PEX14: variants seen among roughly 807,000 people sequenced by gnomAD.
PEX14 encodes the protein peroxisomal biogenesis factor 14.
In PEX14, 15 loss-of-function variants were observed where a neutral mutation model predicts 49.5. The ratio of observed to expected loss-of-function variants is 0.30; its 90% CI spans 0.20 to 0.47. The LOEUF is 0.47. PEX14 is among the 20% of genes least tolerant of loss of function. The pLI, the probability that PEX14 is intolerant of heterozygous loss-of-function variation, is 1.00. For missense variants in PEX14, 398 were observed against 494.8 expected (o/e 0.80, Z 1.86); for synonymous variants, 210 against 212.7 (o/e 0.99, Z 0.11).
At chr1:10,478,889 G>A (rs1641237901) in intron 1 of PEX14, among the ~76,000 whole-genome samples, 1 of 151,796 alleles carries the variant, frequency 6.6e-6, no homozygotes, top group Non-Finnish European at 1.5e-5. Flanking sequence ...GGGACTACAG[G>A]CACCTGCCAC....
At chr1:10,569,715 G>T (rs76431309) in intron 3 of PEX14, among the ~76,000 whole-genome samples, 5,430 of 152,236 alleles carry the variant, frequency 0.036, 124 homozygotes, top group Non-Finnish European at 0.055. Context: ...CTTTAGGTTG[G>T]CTGGGTTTAG....
At chr1:10,569,112 T>C (rs1639898394) in intron 3 of PEX14, among the ~76,000 whole-genome samples, 1 of 152,206 alleles carries the variant, frequency 6.6e-6, no homozygotes, top group African/African-American at 2.4e-5. Flanking sequence ...ACAGTGCTAA[T>C]ATTATAAATA....
At chr1:10,598,406 C>T (rs1268779041) in intron 3 of PEX14, among the ~76,000 whole-genome samples, 1 of 152,186 alleles carries the variant, frequency 6.6e-6, no homozygotes, top group East Asian at 1.9e-4. Context: ...GGAAATATCC[C>T]AGCTGTGTCC....
intron 1 of PEX14, among the ~76,000 whole-genome samples, chr1:10,493,110 A>G (rs537772883): frequency 3.9e-5 from 6 of 152,302 alleles, no homozygotes; most frequent in East Asian, 3.9e-4. Flanking sequence ...GAAGTGGGCA[A>G]TGTGGTGCCG....
Position 10,599,094 on chromosome 1 carries a change from C to T in PEX14, c.170-144C>T, listed in dbSNP as rs1640907564. 6.3e-6 allele frequency: 5 copies of T among 792,080 alleles called. No homozygotes were observed. In the South Asian group the frequency reaches 7.1e-5, roughly 11 times the overall value. 49.1% of individuals were successfully genotyped at this position (792,080 alleles called of 1,614,324 possible). On this transcript the variant is annotated intron_variant, in intron 3 of 8. Coordinates refer to ENST00000356607, the MANE Select transcript of PEX14 (RefSeq NM_004565.3). ...GGTTAAATTGCAACTGAGAGAGGTT[C>T]CGGAGAATCTGAAATCGGGGAGGCA... is the stretch of plus-strand genomic sequence containing the variant.
Position 10,622,207 on chromosome 1 carries a change from C to T in PEX14, c.385-812C>T, listed in dbSNP as rs924137602. Among the ~76,000 whole-genome samples, 7 of 152,330 alleles carry T rather than the reference C, an allele frequency of 4.6e-5. No homozygotes were observed. The East Asian group carries it at 7.7e-4, about 17-fold the overall frequency. On this transcript the variant is annotated intron_variant, in intron 5 of 8. Transcript: ENST00000356607. Reference sequence around the variant, plus strand: ...CTGCCCCCTTCCTGAACGGCTCCTTCGGGCATCCCTGGTTCTAGGCCCCTG... The same window carrying T: ...CTGCCCCCTTCCTGAACGGCTCCTTTGGGCATCCCTGGTTCTAGGCCCCTG...
chr1:10,611,595 T>C lies in PEX14; in HGVS notation c.299-6737T>C, dbSNP rs147281001. ...TCCCAAAATGGTTGTAGCGTTTGTG[T>C]TCCCATCAGCAATATGTAAGAGTTT... On this transcript the variant is annotated intron_variant, in intron 4 of 8. Coordinates refer to ENST00000356607, the MANE Select transcript of PEX14 (RefSeq NM_004565.3). 2.9e-3 allele frequency among the ~76,000 whole-genome samples: 449 copies of C among 152,374 alleles called. 1 individual carries two copies. The highest frequency in any genetic ancestry group is 0.01 in the Middle Eastern group (3 of 294).
At chr1:10,509,148 C>G (rs1170949586) in intron 2 of PEX14, among the ~76,000 whole-genome samples, 1 of 152,054 alleles carries the variant, frequency 6.6e-6, no homozygotes, top group Non-Finnish European at 1.5e-5. Flanking sequence ...TGGGGTTTCA[C>G]CATGTCAGCC....
intron 3 of PEX14, among the ~76,000 whole-genome samples, chr1:10,590,806 A>T (rs1481441391): frequency 6.6e-6 from 1 of 152,250 alleles, no homozygotes; most frequent in Non-Finnish European, 1.5e-5. Context: ...TATCAGATTA[A>T]TGTGAGGACT....
intron 3 of PEX14, among the ~76,000 whole-genome samples, chr1:10,595,862 A>AG (rs5772423): frequency 0.91 from 138,607 of 152,090 alleles, 63,357 homozygotes; most frequent in Middle Eastern, 0.95. Flanking sequence ...CAACGCAAAG[A>AG]AGATGCCTTT....
At chr1:10,617,935 G>A (rs770426292) in intron 4 of PEX14, among the ~76,000 whole-genome samples, 10 of 152,086 alleles carry the variant, frequency 6.6e-5, no homozygotes, top group Non-Finnish European at 1.5e-4. Context: ...GCTATAGTAG[G>A]GCATATATGG....
intron 1 of PEX14, among the ~76,000 whole-genome samples, chr1:10,487,535 A>G (rs1306673241): frequency 8.5e-6 from 1 of 117,066 alleles, no homozygotes; most frequent in Non-Finnish European, 1.6e-5. Context: ...GCCAGGCTGG[A>G]GTGCAGTGGC....
chr1:10,627,652 G>A (rs1049251139), intron 8 of PEX14, among the ~76,000 whole-genome samples: 1 of 152,258 alleles, frequency 6.6e-6, no homozygotes, highest in Non-Finnish European at 1.5e-5. Flanking sequence ...GGCCCTTGGA[G>A]CAGAGGAGAA....
chr1:10,535,471 GCAGAAGGGGGGC>G (rs1166778848), intron 2 of PEX14, among the ~76,000 whole-genome samples: 1 of 152,182 alleles, frequency 6.6e-6, no homozygotes, highest in Non-Finnish European at 1.5e-5. Flanking sequence ...CAGCTCCATT[GCAGAAGGGGGGC>G]CAGAGTGAAT....
In PEX14 at chr1:10,598,792, C is replaced by T. The variant is rs140463974; in HGVS notation, c.170-446C>T. ...AGCAAATTATTCCCGTCTTCAGAAA[C>T]GATCTAGACTAATTAGTCGTCTCAC... On this transcript the variant is annotated intron_variant, in intron 3 of 8. Coordinates refer to ENST00000356607, the MANE Select transcript of PEX14 (RefSeq NM_004565.3). Among the ~76,000 whole-genome samples the T allele has an allele frequency of 2.8e-3, 427 of 152,188 alleles. 3 individuals are homozygous for T. The highest frequency in any genetic ancestry group is 9.0e-3 in the African/African-American group (374 of 41,512).
At position 10,599,347 on chromosome 1, in the gene PEX14, C is replaced by G; in HGVS notation, c.279C>G (p.His93Gln). 2 of 1,614,188 alleles carry G rather than the reference C, an allele frequency of 1.2e-6. No homozygotes were observed. Among genetic ancestry groups the G allele is most frequent in the South Asian group, 2.2e-5 (2 of 91,084 alleles). The change falls in exon 4 of 9, where the codon CAC (histidine) becomes CAG (glutamine). Residue 93 changes from histidine (H) to glutamine (Q), a missense_variant. Physicochemically the swap from His to Gln is conservative, Grantham distance 24. This residue lies in a region of PEX14 where 202 missense variants were observed against 298.5 expected (regional missense o/e 0.68). Transcript: ENST00000356607. Reference protein sequence around the residue: ...ATQVVPVQPPHLISQPYSPAG... With the variant: ...ATQVVPVQPPQLISQPYSPAG... The stretch of plus-strand genomic sequence containing the variant: ...AGGTGGTTCCTGTCCAGCCCCCTCA[C>G]CTCATATCTCAGCCATACAGTAAGT...
chr1:10,595,036 T>G (rs1052674599), intron 3 of PEX14, among the ~76,000 whole-genome samples: 10 of 147,838 alleles, frequency 6.8e-5, no homozygotes, highest in African/African-American at 2.2e-4. Flanking sequence ...TCTGTCCTTT[T>G]AAAAAAAAAA....
At chr1:10,622,872 T>G in intron 5 of PEX14, 147 bp from the exon 6 acceptor site, 2 of 690,308 alleles carry the variant, frequency 2.9e-6, no homozygotes, top group Non-Finnish European at 5.4e-6. Flanking sequence ...CATAACTTTT[T>G]CAAATATCTT....
At chr1:10,490,719 T>C (rs1369043844) in intron 1 of PEX14, among the ~76,000 whole-genome samples, 2 of 148,346 alleles carry the variant, frequency 1.3e-5, no homozygotes, top group African/African-American at 5.1e-5. Context: ...TTTTTTTTTT[T>C]CTGAGACAGT....
Sources: gnomAD v4.1 joint callset for allele counts (sites outside exome capture counted in the v4.1 genomes callset) on GRCh38, gnomAD v4.1.1 for gene constraint, gnomAD v4.1.1 regional missense constraint, MANE v1.5 for transcripts, NCBI Gene and HGNC (gene_info 2026-07-23, HGNC 2026-07-21) for gene names.